ADAM29: variants seen among roughly 807,000 people sequenced by gnomAD.
The protein encoded by ADAM29 is ADAM metallopeptidase domain 29, also known as disintegrin and metalloproteinase domain-containing protein 29.
For missense variants in ADAM29, 969 were observed against 1,001.8 expected (o/e 0.97, Z 0.44); for synonymous variants, 367 against 342.3 (o/e 1.07, Z -0.80).
intron 4 of ADAM29, among the ~76,000 whole-genome samples, chr4:174,970,230 T>C (rs1175992175): frequency 6.6e-6 from 1 of 152,140 alleles, no homozygotes; most frequent in Non-Finnish European, 1.5e-5. Flanking sequence ...TCCTAATCCC[T>C]GAAACCGACA....
chr4:174,936,022 A>G (rs1440403274), intron 3 of ADAM29, among the ~76,000 whole-genome samples: 2 of 152,182 alleles, frequency 1.3e-5, no homozygotes, highest in East Asian at 3.9e-4. Context: ...AAAGGAGGTC[A>G]ATATTAATAA....
intron 3 of ADAM29, among the ~76,000 whole-genome samples, chr4:174,931,551 C>T (rs745313266): frequency 1.5e-4 from 23 of 152,232 alleles, no homozygotes; most frequent in East Asian, 1.3e-3. Flanking sequence ...TATATTTTCC[C>T]GACCAGAGTC....
rs572246035 is a variant in ADAM29, at chr4:174,965,625, C to T, written c.-180-9721C>T. 5.3e-5 allele frequency among the ~76,000 whole-genome samples: 8 copies of T among 152,070 alleles called. 1 individual carries two copies. The highest frequency in any genetic ancestry group is 1.9e-4 in the East Asian group (1 of 5,180). On this transcript the variant is annotated intron_variant, in intron 4 of 4. Coordinates refer to ENST00000359240, the MANE Select transcript of ADAM29 (RefSeq NM_014269.4). The stretch of plus-strand genomic sequence containing the variant: ...CATGTGATTATGGAGCCTTGAAATA[C>T]GAAGATAGAGGCAGCAGCAGATTTG...
intron 4 of ADAM29, among the ~76,000 whole-genome samples, chr4:174,973,697 A>T (rs1746592984): frequency 6.6e-6 from 1 of 152,108 alleles, no homozygotes; most frequent in South Asian, 2.1e-4. Flanking sequence ...CAATATTATT[A>T]TACTTTACTT....
rs148275664 is a variant in ADAM29 at position 174,952,913 on chromosome 4, G to A, written c.-181+15900G>A. 5.0e-3 allele frequency among the ~76,000 whole-genome samples: 762 copies of A among 152,242 alleles called. 8 individuals are homozygous for A. Among genetic ancestry groups the A allele is most frequent in the African/African-American group, 0.017 (693 of 41,530 alleles). ...AACATATGATTCAAAAACTTCACTT[G>A]AATGCTATTTTAGAGAGGGAAAACT... On this transcript the variant is annotated intron_variant, in intron 4 of 4. Transcript: ENST00000359240.
At chr4:174,942,094 G>A (rs1195883603) in intron 4 of ADAM29, among the ~76,000 whole-genome samples, 1 of 152,184 alleles carries the variant, frequency 6.6e-6, no homozygotes, top group Non-Finnish European at 1.5e-5. Context: ...TGATGTGAGG[G>A]GTGGGATCCC....
intron 4 of ADAM29, among the ~76,000 whole-genome samples, chr4:174,967,576 T>G (rs76092136): frequency 0.016 from 2,435 of 152,274 alleles, 80 homozygotes; most frequent in African/African-American, 0.054. Flanking sequence ...CTTAATGGAT[T>G]TGATGATGAA....
intron 4 of ADAM29, among the ~76,000 whole-genome samples, chr4:174,953,690 C>T (rs770002246): frequency 2.4e-4 from 37 of 152,006 alleles, no homozygotes; most frequent in Non-Finnish European, 1.6e-4. Flanking sequence ...AAAATTGGTA[C>T]ATTATGACCC....
chr4:174,940,237 T>C (rs1744448982), intron 4 of ADAM29, among the ~76,000 whole-genome samples: 1 of 152,150 alleles, frequency 6.6e-6, no homozygotes, highest in South Asian at 2.1e-4. Flanking sequence ...CAGTACCTCC[T>C]CTGGTCAAAG....
intron 2 of ADAM29, among the ~76,000 whole-genome samples, chr4:174,923,489 A>C (rs1743287760): frequency 6.9e-6 from 1 of 144,258 alleles, no homozygotes; most frequent in African/African-American, 2.6e-5. Context: ...GCCAGCTCCT[A>C]CCTGTGCATC....
intron 4 of ADAM29, among the ~76,000 whole-genome samples, chr4:174,961,361 C>T (rs1745810213): frequency 6.6e-6 from 1 of 151,318 alleles, no homozygotes. Flanking sequence ...TGAGAGTTCT[C>T]TTATATTTCA....
rs1449870552 is a variant in ADAM29 at position 174,975,932 on chromosome 4, T to G, written c.407T>G (p.Ile136Ser). ...ILQINDFAYE[I>S]KPLAFSTTFE... is the part of the protein sequence containing the mutation. ...CAGATAAATGACTTTGCTTATGAAA[T>G]CAAGCCCCTAGCATTTTCTACCACG... The change falls in exon 5 of 5, where the codon ATC (isoleucine) becomes AGC (serine). Residue 136 changes from isoleucine to serine, a missense_variant. Physicochemically the swap from Ile to Ser is moderately radical, Grantham distance 142 (BLOSUM62 -2). Coordinates refer to ENST00000359240, the MANE Select transcript of ADAM29 (RefSeq NM_014269.4). The G allele has an allele frequency of 3.1e-6, 5 of 1,613,876 alleles. No individual in the cohort carries two copies. Among genetic ancestry groups the G allele is most frequent in the Non-Finnish European group, 4.2e-6 (5 of 1,179,966 alleles).
At chr4:174,940,846 A>T (rs1317827540) in intron 4 of ADAM29, among the ~76,000 whole-genome samples, 1 of 152,210 alleles carries the variant, frequency 6.6e-6, no homozygotes, top group African/African-American at 2.4e-5. Flanking sequence ...TATGAAAATG[A>T]TTATGCATTC....
At chr4:174,953,290 C>CA (rs924868173) in intron 4 of ADAM29, among the ~76,000 whole-genome samples, 46 of 150,002 alleles carry the variant, frequency 3.1e-4, no homozygotes, top group East Asian at 2.7e-3. Flanking sequence ...TGTCTAAAAA[C>CA]AAAAAAAAAG....
At chr4:174,946,549 A>G (rs1272300557) in intron 4 of ADAM29, among the ~76,000 whole-genome samples, 1 of 152,106 alleles carries the variant, frequency 6.6e-6, no homozygotes, top group East Asian at 1.9e-4. Flanking sequence ...GAAATTGGTG[A>G]GAGAGGGTAT....
At chr4:174,945,542 G>A (rs571501376) in intron 4 of ADAM29, among the ~76,000 whole-genome samples, 7 of 152,098 alleles carry the variant, frequency 4.6e-5, no homozygotes, top group Middle Eastern at 3.4e-3. Flanking sequence ...ATTGCTTTTG[G>A]CATCTTCATC....
At chr4:174,924,440 C>T (rs116637310) in intron 2 of ADAM29, among the ~76,000 whole-genome samples, 1,832 of 152,244 alleles carry the variant, frequency 0.012, 34 homozygotes, top group African/African-American at 0.042. Flanking sequence ...ACCTCAACAT[C>T]CAGAAATTAT....
At chr4:174,925,133 T>C (rs1743428668) in intron 2 of ADAM29, among the ~76,000 whole-genome samples, 1 of 152,168 alleles carries the variant, frequency 6.6e-6, no homozygotes, top group South Asian at 2.1e-4. Flanking sequence ...AAAACTGCAA[T>C]AGCCAAAGAA....
At position 174,953,353 on chromosome 4, in the gene ADAM29, A is replaced by G. The variant is rs1156593944; in HGVS notation, c.-181+16340A>G. ...AGTGAATAGATGTTTACTCTTACTT[A>G]TTTTTCAATAAATTATTCTTTACTA... On this transcript the variant is annotated intron_variant, in intron 4 of 4. Transcript: ENST00000359240. 2.6e-5 allele frequency among the ~76,000 whole-genome samples: 4 copies of G among 152,236 alleles called. No homozygotes were observed. The East Asian group carries it at 5.8e-4, about 22-fold the overall frequency.
Sources: gnomAD v4.1 joint callset for allele counts (sites outside exome capture counted in the v4.1 genomes callset) on GRCh38, gnomAD v4.1.1 for gene constraint, MANE v1.5 for transcripts, NCBI Gene and HGNC (gene_info 2026-07-23, HGNC 2026-07-21) for gene names.